MAML2: variants seen among roughly 807,000 people sequenced by gnomAD.
MAML2 encodes the protein mastermind like transcriptional coactivator 2, also known as mastermind-like protein 2.
Under a neutral mutation model 96.1 loss-of-function variants are expected in MAML2, and 22 were observed. The observed-to-expected ratio is 0.23, with a 90% CI of 0.16 to 0.33. MAML2 has a LOEUF of 0.33. Ranked by LOEUF, MAML2 falls within the 10% of genes least tolerant of loss-of-function variation. The pLI is 1.00. For synonymous variants in MAML2, 561 were observed against 521.3 expected (o/e 1.08, Z -1.04); for missense variants, 1,367 against 1,392.4 (o/e 0.98, Z 0.29).
intron 1 of MAML2, among the ~76,000 whole-genome samples, chr11:96,311,741 T>C (rs1340534994): frequency 6.6e-6 from 1 of 152,224 alleles, no homozygotes. Context: ...ATGGTTAAGT[T>C]TCACTGAGAG....
At chr11:96,195,534 C>T (rs745406647) in intron 1 of MAML2, among the ~76,000 whole-genome samples, 34 of 152,182 alleles carry the variant, frequency 2.2e-4, no homozygotes, top group Non-Finnish European at 4.1e-4. Context: ...ATTCTCTGTG[C>T]CTTCTGGGTG....
chr11:96,111,556 C>T (rs1397883851), intron 1 of MAML2, among the ~76,000 whole-genome samples: 4 of 152,178 alleles, frequency 2.6e-5, no homozygotes, highest in Non-Finnish European at 5.9e-5. Context: ...CATCAAGTTG[C>T]TAAGACCACA....
At chr11:96,213,742 CT>C (rs1862006467) in intron 1 of MAML2, among the ~76,000 whole-genome samples, 2 of 152,210 alleles carry the variant, frequency 1.3e-5, no homozygotes, top group African/African-American at 4.8e-5. Flanking sequence ...TTAGTCATCA[CT>C]TGGAGAAAAG....
chr11:96,049,645 T>C (rs1858959656), intron 2 of MAML2, among the ~76,000 whole-genome samples: 1 of 152,172 alleles, frequency 6.6e-6, no homozygotes, highest in African/African-American at 2.4e-5. Context: ...TGCTAAGAAG[T>C]AAGGCCAATA....
At chr11:96,183,133 A>T (rs536894073) in intron 1 of MAML2, among the ~76,000 whole-genome samples, 12 of 151,202 alleles carry the variant, frequency 7.9e-5, no homozygotes, top group Non-Finnish European at 1.6e-4. Context: ...AATTTTTTGT[A>T]TTTTTAGTAG....
chr11:95,982,939 C>T (rs1269520873), intron 4 of MAML2, among the ~76,000 whole-genome samples: 1 of 152,076 alleles, frequency 6.6e-6, no homozygotes, highest in Non-Finnish European at 1.5e-5. Flanking sequence ...ATGGTGAGTG[C>T]CCTACACATA....
intron 1 of MAML2, among the ~76,000 whole-genome samples, chr11:96,105,845 G>T (rs1415474540): frequency 6.7e-6 from 1 of 149,326 alleles, no homozygotes; most frequent in Non-Finnish European, 1.5e-5. Context: ...GAAATATGAA[G>T]AAGTTTACTA....
At chr11:96,193,437 G>T (rs1217044469) in intron 1 of MAML2, among the ~76,000 whole-genome samples, 1 of 151,238 alleles carries the variant, frequency 6.6e-6, no homozygotes, top group East Asian at 1.9e-4. Context: ...CAGCTAGAAA[G>T]ACACTATCAG....
chr11:96,057,629 C>T lies in MAML2; in HGVS notation c.2139+34263G>A, dbSNP rs186332919. On this transcript the variant is annotated intron_variant, in intron 2 of 4. Coordinates refer to ENST00000524717, the MANE Select transcript of MAML2 (RefSeq NM_032427.4). ...TATTTTAAAAAGATTCACATTATTA[C>T]GACAAATGTTTCACTTTCCTTATTT... Among the ~76,000 whole-genome samples the T allele has an allele frequency of 1.1e-3, 175 of 152,254 alleles. 1 individual carries two copies. Among genetic ancestry groups the T allele is most frequent in the Non-Finnish European group, 1.8e-3 (123 of 68,004 alleles).
intron 1 of MAML2, among the ~76,000 whole-genome samples, chr11:96,235,959 T>C (rs1235020591): frequency 6.6e-6 from 1 of 152,222 alleles, no homozygotes; most frequent in Non-Finnish European, 1.5e-5. Context: ...TCCCAAGAAA[T>C]GCATTGCATC....
chr11:96,341,478 TC>T lies in MAML2; in HGVS notation c.417del (p.Asn140ThrfsTer11). On this transcript the variant is annotated frameshift_variant, in exon 1 of 5. Transcript: ENST00000524717. LOFTEE classifies it high-confidence loss of function. ...DYHHHHQQHL[L>X]NSSNNGGSGG... ...CCACTGCCACCATTATTGCTACTGT[TC>T]AGCAGGTGCTGCTGGTGGTGATGGT... 1 of 1,551,528 alleles carries T rather than the reference TC, an allele frequency of 6.4e-7. No homozygotes were observed. Among genetic ancestry groups the T allele is most frequent in the Non-Finnish European group, 8.7e-7 (1 of 1,146,944 alleles).
At chr11:96,244,318 T>C (rs1239436045) in intron 1 of MAML2, among the ~76,000 whole-genome samples, 1 of 152,266 alleles carries the variant, frequency 6.6e-6, no homozygotes, top group Non-Finnish European at 1.5e-5. Context: ...TGCCCTATTA[T>C]GACGTGTAAG....
In MAML2 at chr11:95,978,552, T is replaced by A; in HGVS notation, c.*396A>T. The A allele has an allele frequency of 4.3e-6, 1 of 230,206 alleles. No individual in the cohort carries two copies. Among genetic ancestry groups the A allele is most frequent in the Non-Finnish European group, 8.5e-6 (1 of 117,038 alleles). The allele number at this position is 230,206 out of a possible 1,614,324, so 14.3% of individuals were successfully genotyped here. On this transcript the variant is annotated 3_prime_UTR_variant, in exon 5 of 5. Coordinates refer to ENST00000524717, the MANE Select transcript of MAML2 (RefSeq NM_032427.4). ...CTATCTATTAGAGCAAATTAAGGAG[T>A]TTGTTGCTTGGAACTAGTACCTCCT...
chr11:96,053,957 C>A (rs948343607), intron 2 of MAML2, among the ~76,000 whole-genome samples: 3 of 151,912 alleles, frequency 2.0e-5, no homozygotes, highest in African/African-American at 7.3e-5. Flanking sequence ...ACTTGGGTGC[C>A]GCCATTTTGA....
chr11:96,015,831 T>C (rs1231764084), intron 2 of MAML2, among the ~76,000 whole-genome samples: 1 of 152,132 alleles, frequency 6.6e-6, no homozygotes, highest in South Asian at 2.1e-4. Flanking sequence ...GAATCATGAA[T>C]GTAGGGATTA....
At chr11:96,121,849 C>T (rs1479718666) in intron 1 of MAML2, among the ~76,000 whole-genome samples, 25 of 120,248 alleles carry the variant, frequency 2.1e-4, no homozygotes, top group African/African-American at 7.5e-4. Flanking sequence ...TGCAGTGGCG[C>T]GATCTCGGCT....
At chr11:96,180,744 G>T (rs1258711610) in intron 1 of MAML2, among the ~76,000 whole-genome samples, 1 of 152,182 alleles carries the variant, frequency 6.6e-6, no homozygotes, top group East Asian at 1.9e-4. Flanking sequence ...GTACCTTCAT[G>T]TGTGTCCGTG....
intron 1 of MAML2, among the ~76,000 whole-genome samples, chr11:96,281,211 GA>G (rs1313391452): frequency 6.6e-6 from 1 of 152,214 alleles, no homozygotes; most frequent in East Asian, 1.9e-4. Context: ...AAGAACATGG[GA>G]GCTGTAATTC....
chr11:96,266,047 T>C (rs1201095073), intron 1 of MAML2, among the ~76,000 whole-genome samples: 1 of 152,122 alleles, frequency 6.6e-6, no homozygotes, highest in Non-Finnish European at 1.5e-5. Context: ...CTGTAACACA[T>C]GCCTACTGGG....
Sources: gnomAD v4.1 joint callset for allele counts (sites outside exome capture counted in the v4.1 genomes callset) on GRCh38, gnomAD v4.1.1 for gene constraint, MANE v1.5 for transcripts, NCBI Gene and HGNC (gene_info 2026-07-23, HGNC 2026-07-21) for gene names.